TOX2: variants seen among roughly 807,000 people sequenced by gnomAD.
The protein encoded by TOX2 is TOX high mobility group box family member 2, also known as granulosa cell HMG box 1.
A neutral mutation model predicts 47.4 loss-of-function variants in TOX2; 15 were observed. The ratio of observed to expected loss-of-function variants is 0.32; its 90% CI spans 0.21 to 0.49. TOX2 has a LOEUF of 0.49. TOX2 is among the 20% of genes least tolerant of loss of function. TOX2 has a pLI of 0.99. For missense variants in TOX2, 622 were observed against 673.1 expected (o/e 0.92, Z 0.84); for synonymous variants, 290 against 296.6 (o/e 0.98, Z 0.23).
intron 8 of TOX2, among the ~76,000 whole-genome samples, chr20:44,067,289 GA>G (rs1392816509): frequency 6.6e-6 from 1 of 152,020 alleles, no homozygotes; most frequent in Non-Finnish European, 1.5e-5. Context: ...GCTGAGGGGG[GA>G]TGTGGCCTCA....
At chr20:43,951,707 G>GTTTGTTTTTTTTTTTTTTTTTTTTT (rs2069571364) in intron 1 of TOX2, among the ~76,000 whole-genome samples, 22 of 55,098 alleles carry the variant, frequency 4.0e-4, no homozygotes, top group Non-Finnish European at 7.4e-4. Flanking sequence ...AACTTATTAT[G>GTTTGTTTTTTTTTTTTTTTTTTTTT]TTTTTTTTTT....
intron 1 of TOX2, among the ~76,000 whole-genome samples, chr20:43,962,247 G>T (rs2069774116): frequency 6.6e-6 from 1 of 152,210 alleles, no homozygotes; most frequent in Non-Finnish European, 1.5e-5. Flanking sequence ...TATGTTAGGG[G>T]GCTGCCCTGC....
At chr20:44,011,354 G>A (rs1364492420) in intron 3 of TOX2, among the ~76,000 whole-genome samples, 2 of 152,182 alleles carry the variant, frequency 1.3e-5, no homozygotes, top group African/African-American at 2.4e-5. Context: ...ATGCCCTTGA[G>A]GGACTCCTGG....
At chr20:44,050,396 A>C (rs1312787980) in intron 3 of TOX2, among the ~76,000 whole-genome samples, 4 of 152,246 alleles carry the variant, frequency 2.6e-5, no homozygotes, top group Non-Finnish European at 4.4e-5. Flanking sequence ...CCTAATGAAG[A>C]AAAAATGGGA....
chr20:44,016,738 A>C (rs6093916), intron 3 of TOX2, among the ~76,000 whole-genome samples: 5,997 of 152,220 alleles, frequency 0.039, 350 homozygotes, highest in African/African-American at 0.12. Flanking sequence ...TTGTCCACCC[A>C]GTGAACTCCT....
At chr20:43,985,721 G>A (rs534149065) in intron 2 of TOX2, among the ~76,000 whole-genome samples, 10 of 152,276 alleles carry the variant, frequency 6.6e-5, no homozygotes, top group African/African-American at 2.2e-4. Flanking sequence ...GTAGAGGCCC[G>A]GAAGCCCTGG....
At chr20:43,991,048 C>CA (rs2070359175) in intron 2 of TOX2, among the ~76,000 whole-genome samples, 1 of 152,312 alleles carries the variant, frequency 6.6e-6, no homozygotes, top group East Asian at 1.9e-4. Flanking sequence ...ACAAGGAGCA[C>CA]AGGCATGAAT....
In TOX2 at chr20:43,915,031, G is replaced by T. The variant is rs1052691014; in HGVS notation, c.99+41G>T. 110 of 1,186,128 alleles carry T rather than the reference G, an allele frequency of 9.3e-5. 1 individual carries two copies. In the African/African-American group the frequency reaches 1.7e-3, roughly 18 times the overall value. The allele number at this position is 1,186,128 out of a possible 1,614,324, so 73.5% of individuals were successfully genotyped here. On this transcript the variant is annotated intron_variant, in intron 1 of 8. Coordinates refer to ENST00000341197, the MANE Select transcript of TOX2 (RefSeq NM_001098797.2). The surrounding 1 kb of genome is among the most constrained non-coding windows in gnomAD (Gnocchi z 7.1). ...CGGGGGTCCCCGGCGGGCGGGGCCG[G>T]AGTCACCTGGCAGCTCGGGACTCAG... is the stretch of plus-strand genomic sequence containing the variant.
intron 3 of TOX2, among the ~76,000 whole-genome samples, chr20:44,013,373 A>G (rs1273289571): frequency 2.0e-5 from 3 of 152,162 alleles, no homozygotes; most frequent in East Asian, 3.8e-4. Flanking sequence ...TGCAGAAGGC[A>G]TGGTCTATCC....
At chr20:43,994,290 A>T (rs6031282) in intron 2 of TOX2, among the ~76,000 whole-genome samples, 1 of 151,302 alleles carries the variant, frequency 6.6e-6, no homozygotes, top group Non-Finnish European at 1.5e-5. Context: ...CATGGCAAAA[A>T]CCCATCTCTA....
At chr20:43,965,973 G>A (rs2069844944) in intron 1 of TOX2, among the ~76,000 whole-genome samples, 1 of 152,156 alleles carries the variant, frequency 6.6e-6, no homozygotes, top group Non-Finnish European at 1.5e-5. Context: ...TGAGGGAGAT[G>A]GGGGCTGATA....
At position 43,956,559 on chromosome 20, in the gene TOX2, T is replaced by TAA. The variant is rs11474983; in HGVS notation, c.100-16787_100-16786dup. On this transcript the variant is annotated intron_variant, in intron 1 of 8. Transcript: ENST00000341197. Reference sequence around the variant, plus strand: ...CTGGGTGAGAGTAAGGTTCTATCTTTAAAAAAAAAAAAAAAAAAAAAAGAC... The same window carrying TAA: ...CTGGGTGAGAGTAAGGTTCTATCTTTAAAAAAAAAAAAAAAAAAAAAAAAGAC... Among the ~76,000 whole-genome samples the TAA allele has an allele frequency of 2.8e-3, 333 of 120,450 alleles. 3 individuals are homozygous for TAA. Among genetic ancestry groups the TAA allele is most frequent in the African/African-American group, 9.8e-3 (305 of 31,168 alleles). 79.0% of individuals were successfully genotyped at this position (120,450 alleles called of 152,430 possible).
chr20:43,967,343 G>A (rs1392599394), intron 1 of TOX2, among the ~76,000 whole-genome samples: 1 of 152,126 alleles, frequency 6.6e-6, no homozygotes, highest in African/African-American at 2.4e-5. Context: ...TTGAGAATTG[G>A]TGATGTTGCA....
At chr20:43,975,069 C>A (rs1326298268) in intron 2 of TOX2, among the ~76,000 whole-genome samples, 2 of 152,206 alleles carry the variant, frequency 1.3e-5, no homozygotes, top group African/African-American at 4.8e-5. Context: ...CCAGAGTTAG[C>A]CCTGACATCT....
At chr20:43,946,358 G>C (rs2069470509) in intron 1 of TOX2, among the ~76,000 whole-genome samples, 1 of 152,108 alleles carries the variant, frequency 6.6e-6, no homozygotes, top group Non-Finnish European at 1.5e-5. Flanking sequence ...GGTGTGGGTT[G>C]GGGGGTCTGG....
At chr20:44,028,742 T>C (rs1197642146) in intron 3 of TOX2, among the ~76,000 whole-genome samples, 1 of 152,146 alleles carries the variant, frequency 6.6e-6, no homozygotes, top group African/African-American at 2.4e-5. Flanking sequence ...GTCCTGGTGC[T>C]GTGGGCAGGG....
chr20:43,916,477 G>C lies in TOX2; in HGVS notation c.99+1487G>C, dbSNP rs1179986645. Among the ~76,000 whole-genome samples the C allele has an allele frequency of 6.6e-6, 1 of 152,238 alleles. No homozygotes were observed. The highest frequency in any genetic ancestry group is 1.5e-5 in the Non-Finnish European group (1 of 68,044). The stretch of plus-strand genomic sequence containing the variant: ...TGTGGGGCGGTGGTGGGCGACAAGT[G>C]AGGTCTCGCGAAGAGTGGCGGTGGT... On this transcript the variant is annotated intron_variant, in intron 1 of 8. Transcript: ENST00000341197. The surrounding 1 kb of genome is among the most constrained non-coding windows in gnomAD (Gnocchi z 5.0).
At chr20:43,928,304 TGGTGTAGTTA>T (rs1470549674) in intron 1 of TOX2, among the ~76,000 whole-genome samples, 5 of 152,252 alleles carry the variant, frequency 3.3e-5, no homozygotes, top group Admixed American at 6.5e-5. Flanking sequence ...TTTAAGCACC[TGGTGTAGTTA>T]GCTTCAATTC....
intron 1 of TOX2, among the ~76,000 whole-genome samples, chr20:43,923,378 A>G (rs2069131750): frequency 6.6e-6 from 1 of 152,196 alleles, no homozygotes; most frequent in Admixed American, 6.5e-5. Flanking sequence ...AGCCCATGAT[A>G]GATACTCTGC....
Sources: allele counts gnomAD v4.1 joint callset (sites outside exome capture counted in the v4.1 genomes callset), GRCh38; gene constraint gnomAD v4.1.1; non-coding constraint Gnocchi (gnomAD v3.1); transcripts MANE v1.5; gene names NCBI Gene and HGNC (gene_info 2026-07-23, HGNC 2026-07-21).